USP7: variants seen among roughly 807,000 people sequenced by gnomAD.
USP7 encodes ubiquitin specific peptidase 7.
Under a neutral mutation model 162.9 loss-of-function variants are expected in USP7, and 9 were observed. The ratio of observed to expected loss-of-function variants is 0.06; its 90% confidence interval spans 0.03 to 0.10. The LOEUF is 0.10. USP7 is among the 10% of genes least tolerant of loss of function. The pLI, the probability that USP7 is intolerant of heterozygous loss-of-function variation, is 1.00. For missense variants in USP7, 715 were observed against 1,373.7 expected (o/e 0.52, Z 7.58); for synonymous variants, 562 against 475.9 (o/e 1.18, Z -2.35).
At chr16:8,912,697 A>C (rs1443153956) in intron 10 of USP7, among the ~76,000 whole-genome samples, 1 of 151,952 alleles carries the variant, frequency 6.6e-6, no homozygotes, top group Non-Finnish European at 1.5e-5. Flanking sequence ...CAAGGCGGGC[A>C]GACTGATTGG....
intron 1 of USP7, among the ~76,000 whole-genome samples, chr16:8,954,281 C>G (rs1163050748): frequency 6.6e-6 from 1 of 152,186 alleles, no homozygotes; most frequent in African/African-American, 2.4e-5. Context: ...AGGCTTTGAA[C>G]AGGTGCCCCT....
At position 8,916,567 on chromosome 16, in the gene USP7, TA is replaced by T. The variant is rs776698120; in HGVS notation, c.852-12del. ...TCTAAAGTTTCCCACCTTTCAAAGA[TA>T]AAACAAACAACTCCATTTAAAGCTC... On this transcript the variant is annotated splice_polypyrimidine_tract_variant and intron_variant, in intron 7 of 30. Coordinates refer to ENST00000344836, the MANE Select transcript of USP7 (RefSeq NM_003470.3). 4.5e-6 allele frequency: 7 copies of T among 1,542,348 alleles called. No individual in the cohort carries two copies. The African/African-American group carries it at 1.0e-4, about 23-fold the overall frequency.
intron 2 of USP7, among the ~76,000 whole-genome samples, chr16:8,924,212 C>G (rs1357141113): frequency 6.6e-6 from 1 of 152,234 alleles, no homozygotes; most frequent in African/African-American, 2.4e-5. Context: ...GGTCAATCAC[C>G]TTTGACAAAC....
At chr16:8,903,899 A>G (rs1224473117) in intron 15 of USP7, among the ~76,000 whole-genome samples, 1 of 152,044 alleles carries the variant, frequency 6.6e-6, no homozygotes, top group African/African-American at 2.4e-5. Context: ...GAAAAAAGAA[A>G]AGGAGACTGT....
At chr16:8,925,633 A>C (rs538291485) in intron 2 of USP7, among the ~76,000 whole-genome samples, 1 of 152,326 alleles carries the variant, frequency 6.6e-6, no homozygotes, top group East Asian at 1.9e-4. Context: ...CCAGCCCCGC[A>C]GAGGCCACCG....
rs182871532 is a variant in USP7, at chr16:8,947,747, C to T, written c.79+15460G>A. Among the ~76,000 whole-genome samples the T allele has an allele frequency of 3.2e-4, 48 of 152,282 alleles. No homozygotes were observed. In the East Asian group the frequency reaches 7.7e-3, roughly 24 times the overall value. ...TAAGGGGTGAAGTCTTTTAGGACTTCGACAGGATCCTGCCATCAAAAACTT... is the reference window on the plus strand; with the variant it reads ...TAAGGGGTGAAGTCTTTTAGGACTTTGACAGGATCCTGCCATCAAAAACTT... On this transcript the variant is annotated intron_variant, in intron 1 of 30. Coordinates refer to ENST00000344836, the MANE Select transcript of USP7 (RefSeq NM_003470.3).
intron 1 of USP7, among the ~76,000 whole-genome samples, chr16:8,948,195 C>A (rs1353181593): frequency 6.6e-6 from 1 of 152,230 alleles, no homozygotes; most frequent in African/African-American, 2.4e-5. Context: ...GAACCCTCAA[C>A]TGACCTTGAT....
At chr16:8,900,419 AC>A in intron 21 of USP7, 110 bp downstream of exon 21, 1 of 732,674 alleles carries the variant, frequency 1.4e-6, no homozygotes, top group South Asian at 2.7e-5. Context: ...ATTAAAAAAA[AC>A]AAAAACAAAA....
At chr16:8,929,444 T>TTC (rs1459016712) in intron 2 of USP7, 1 of 455,558 alleles carries the variant, frequency 2.2e-6, no homozygotes, top group Non-Finnish European at 4.4e-6. Context: ...CGGCTGCAGT[T>TTC]TCTCATGGAG....
chr16:8,925,164 T>A (rs1198181343), intron 2 of USP7, among the ~76,000 whole-genome samples: 2 of 152,212 alleles, frequency 1.3e-5, no homozygotes, highest in East Asian at 3.8e-4. Flanking sequence ...AAATGGAGGT[T>A]CGCCGAGGCT....
chr16:8,900,813 T>C, intron 20 of USP7, 177 bp downstream of exon 20: 1 of 746,014 alleles, frequency 1.3e-6, no homozygotes, highest in South Asian at 2.0e-5. Context: ...GATTTGATTC[T>C]ACAACAGGTA....
At chr16:8,919,797 C>T (rs1897583985) in intron 5 of USP7, among the ~76,000 whole-genome samples, 1 of 151,844 alleles carries the variant, frequency 6.6e-6, no homozygotes, top group South Asian at 2.1e-4. Context: ...GAACACACGA[C>T]CGTCACCAAG....
At chr16:8,926,390 A>T (rs758068175) in intron 2 of USP7, among the ~76,000 whole-genome samples, 1 of 152,088 alleles carries the variant, frequency 6.6e-6, no homozygotes, top group Admixed American at 6.6e-5. Flanking sequence ...GAGGCAGGAG[A>T]ATCGCTTGAA....
At chr16:8,900,254 CAG>C in intron 21 of USP7, 1 of 355,622 alleles carries the variant, frequency 2.8e-6, no homozygotes, top group Non-Finnish European at 5.1e-6. Flanking sequence ...TCATAAATCT[CAG>C]GGGAAGGAAG....
intron 1 of USP7, among the ~76,000 whole-genome samples, chr16:8,958,305 C>G (rs1256841379): frequency 6.6e-6 from 1 of 152,234 alleles, no homozygotes; most frequent in African/African-American, 2.4e-5. Context: ...CCTGGGGTAT[C>G]TGTCCTGTTT....
In USP7 at chr16:8,894,485, G is replaced by A. The variant is rs188002468; in HGVS notation, c.3202+65C>T. 2.8e-5 allele frequency: 43 copies of A among 1,552,158 alleles called. 1 individual carries two copies. In the Admixed American group the frequency reaches 6.0e-4, roughly 22 times the overall value. ...CTTGACCCTGGGGCTGCCCCTCCCA[G>A]CCCCAGACCACTTGTTTCTTAGTCT... On this transcript the variant is annotated intron_variant, in intron 30 of 30. Transcript: ENST00000344836.
At chr16:8,898,262 T>C (rs2061720275) in intron 25 of USP7, 98 bp downstream of exon 25, 1 of 1,047,932 alleles carries the variant, frequency 9.5e-7, no homozygotes, top group Non-Finnish European at 1.4e-6. Context: ...GTTTAGAGTG[T>C]TTTTCTGTGG....
Position 8,893,890 on chromosome 16 carries a change from C to G in USP7, c.*108G>C. ...AATAAAATAAAATTAACACCAGCAG[C>G]GAATCCTCTTGCTGAAGACTTCGGC... On this transcript the variant is annotated 3_prime_UTR_variant, in exon 31 of 31. Coordinates refer to ENST00000344836, the MANE Select transcript of USP7 (RefSeq NM_003470.3). 2.1e-6 allele frequency: 2 copies of G among 955,286 alleles called. No individual in the cohort carries two copies. The highest frequency in any genetic ancestry group is 3.4e-6 in the Non-Finnish European group (2 of 595,324). 59.2% of individuals were successfully genotyped at this position (955,286 alleles called of 1,614,324 possible). A position where few individuals can be genotyped will look rare whatever the true frequency, so the allele number is the denominator to read the frequency against.
chr16:8,952,397 C>T (rs1338255805), intron 1 of USP7, among the ~76,000 whole-genome samples: 5 of 152,264 alleles, frequency 3.3e-5, no homozygotes, highest in African/African-American at 7.2e-5. Flanking sequence ...TGTTCTTTCA[C>T]AGCTCTGAAG....
Sources: gnomAD v4.1 joint callset for allele counts (sites outside exome capture counted in the v4.1 genomes callset) on GRCh38, gnomAD v4.1.1 for gene constraint, MANE v1.5 for transcripts, NCBI Gene and HGNC (gene_info 2026-07-23, HGNC 2026-07-21) for gene names.